Variants in SPAG16 observed in about 807,000 individuals in gnomAD.
SPAG16 encodes the protein sperm-associated antigen 16 protein.
A neutral mutation model predicts 80.4 loss-of-function variants in SPAG16; 86 were observed. The ratio of observed to expected loss-of-function variants is 1.07; its 90% confidence interval spans 0.90 to 1.28. The LOEUF (loss-of-function observed/expected upper bound fraction) is 1.28. Ranked by LOEUF, SPAG16 falls within the 50% of genes most tolerant of loss-of-function variation. The pLI is 0.00. For missense variants in SPAG16, 870 were observed against 765.3 expected (o/e 1.14, Z -1.61); for synonymous variants, 294 against 265.9 (o/e 1.11, Z -1.03).
chr2:213,331,888 AAG>A (rs2064124204), intron 5 of SPAG16, among the ~76,000 whole-genome samples: 1 of 152,184 alleles, frequency 6.6e-6, no homozygotes, highest in Non-Finnish European at 1.5e-5. Flanking sequence ...AAGCAGTACT[AAG>A]AGGGGAATTT....
chr2:213,816,102 G>A (rs1402695967), intron 10 of SPAG16, among the ~76,000 whole-genome samples: 1 of 152,084 alleles, frequency 6.6e-6, no homozygotes, highest in Non-Finnish European at 1.5e-5. Context: ...TTGCCTCCTT[G>A]CAGTAGCTAC....
intron 10 of SPAG16, among the ~76,000 whole-genome samples, chr2:213,608,250 T>C (rs2061331398): frequency 6.6e-6 from 1 of 152,204 alleles, no homozygotes; most frequent in African/African-American, 2.4e-5. Context: ...TGTATACATG[T>C]GCCATGTTGG....
At chr2:214,118,599 T>C (rs1252851191) in intron 14 of SPAG16, among the ~76,000 whole-genome samples, 4 of 152,118 alleles carry the variant, frequency 2.6e-5, no homozygotes, top group Admixed American at 6.5e-5. Flanking sequence ...GAAAAGCCCC[T>C]TGTAAAACCT....
At chr2:214,307,727 T>C (rs916652197) in intron 15 of SPAG16, among the ~76,000 whole-genome samples, 1 of 152,200 alleles carries the variant, frequency 6.6e-6, no homozygotes, top group Admixed American at 6.5e-5. Flanking sequence ...TAATCTTGAT[T>C]TCTAATTTGA....
intron 15 of SPAG16, among the ~76,000 whole-genome samples, chr2:214,297,016 A>T (rs1371945958): frequency 3.9e-5 from 6 of 152,196 alleles, no homozygotes; most frequent in African/African-American, 1.4e-4. Context: ...CCCTCACCAG[A>T]AGCAGATGCC....
At chr2:213,876,122 G>A (rs771163853) in intron 11 of SPAG16, among the ~76,000 whole-genome samples, 1 of 152,004 alleles carries the variant, frequency 6.6e-6, no homozygotes, top group Non-Finnish European at 1.5e-5. Context: ...TTGACATTGC[G>A]TGAAAGTTTC....
At chr2:213,874,343 T>G (rs1219718719) in intron 11 of SPAG16, among the ~76,000 whole-genome samples, 1 of 152,192 alleles carries the variant, frequency 6.6e-6, no homozygotes, top group Admixed American at 6.6e-5. Context: ...TGTTAACAGT[T>G]TGAAACACAA....
chr2:213,505,741 C>G lies in SPAG16; in HGVS notation c.1070+15651C>G, dbSNP rs148620612. 7.7e-3 allele frequency among the ~76,000 whole-genome samples: 1,168 copies of G among 152,000 alleles called. 11 individuals are homozygous for G. The highest frequency in any genetic ancestry group is 0.026 in the African/African-American group (1,082 of 41,462). ...TTTCAAATACCAAAACAGATAAACC[C>G]TATTAACAATTTGGATAACCATTAT... On this transcript the variant is annotated intron_variant, in intron 10 of 15. Coordinates refer to ENST00000331683, the MANE Select transcript of SPAG16 (RefSeq NM_024532.5).
intron 9 of SPAG16, among the ~76,000 whole-genome samples, chr2:213,405,683 G>T (rs2125361943): frequency 6.6e-6 from 1 of 152,156 alleles, no homozygotes; most frequent in East Asian, 1.9e-4. Context: ...TTACCTCCAT[G>T]AGGCCAACTT....
At chr2:213,575,538 A>T (rs1265944295) in intron 10 of SPAG16, among the ~76,000 whole-genome samples, 1 of 152,142 alleles carries the variant, frequency 6.6e-6, no homozygotes, top group Non-Finnish European at 1.5e-5. Context: ...AGGTTTGTTT[A>T]TAATGATTTT....
At chr2:214,132,442 A>C (rs1020706036) in intron 14 of SPAG16, among the ~76,000 whole-genome samples, 2 of 152,200 alleles carry the variant, frequency 1.3e-5, no homozygotes, top group Non-Finnish European at 2.9e-5. Context: ...CTGTAGTTAC[A>C]TTTAAAGTAC....
intron 10 of SPAG16, among the ~76,000 whole-genome samples, chr2:213,732,513 C>T (rs1250374471): frequency 1.3e-5 from 2 of 152,158 alleles, no homozygotes; most frequent in Non-Finnish European, 2.9e-5. Context: ...ATGCTTCCAG[C>T]TTTGTTCTTT....
chr2:214,216,742 C>A (rs953202199), intron 15 of SPAG16, among the ~76,000 whole-genome samples: 1 of 152,160 alleles, frequency 6.6e-6, no homozygotes, highest in African/African-American at 2.4e-5. Context: ...TAATTGAATT[C>A]TCTGTTGATT....
At chr2:213,309,014 G>A in intron 3 of SPAG16, among the ~76,000 whole-genome samples, 1 of 152,146 alleles carries the variant, frequency 6.6e-6, no homozygotes, top group East Asian at 1.9e-4. Context: ...CACACAGCCT[G>A]AAGGTAATTT....
intron 10 of SPAG16, among the ~76,000 whole-genome samples, chr2:213,535,332 T>A (rs904793424): frequency 6.6e-6 from 1 of 152,034 alleles, no homozygotes; most frequent in Admixed American, 6.6e-5. Context: ...AATAACTACA[T>A]ATCATATGTT....
chr2:214,001,248 G>A (rs10204594), intron 12 of SPAG16, among the ~76,000 whole-genome samples: 67,667 of 151,984 alleles, frequency 0.45, 15,802 homozygotes, highest in South Asian at 0.65. Flanking sequence ...ATTTCCTTTT[G>A]TGTTTAAAGT....
At chr2:213,921,847 A>G (rs564633463) in intron 11 of SPAG16, among the ~76,000 whole-genome samples, 228 of 152,314 alleles carry the variant, frequency 1.5e-3, no homozygotes, top group African/African-American at 5.3e-3. Flanking sequence ...AGAATCCTGA[A>G]TATAAGCACT....
intron 9 of SPAG16, among the ~76,000 whole-genome samples, chr2:213,433,666 C>A (rs1447003573): frequency 1.3e-5 from 2 of 152,040 alleles, no homozygotes; most frequent in Non-Finnish European, 1.5e-5. Flanking sequence ...TTAAAATGAC[C>A]ATATACCCAA....
chr2:214,252,656 T>C (rs1690380490), intron 15 of SPAG16, among the ~76,000 whole-genome samples: 1 of 152,224 alleles, frequency 6.6e-6, no homozygotes, highest in Non-Finnish European at 1.5e-5. Flanking sequence ...TAGTATTCCA[T>C]GGTGTATATG....
Sources: allele counts gnomAD v4.1 joint callset (sites outside exome capture counted in the v4.1 genomes callset), GRCh38; gene constraint gnomAD v4.1.1; transcripts MANE v1.5; gene names NCBI Gene and HGNC (gene_info 2026-07-23, HGNC 2026-07-21).